The following COL2A1 variants were observed in gnomAD, a reference collection of about 807,000 sequenced individuals.
COL2A1 encodes collagen alpha-1(II) chain.
A neutral mutation model predicts 204.5 loss-of-function variants in COL2A1; 28 were observed. The observed-to-expected ratio is 0.14, with a 90% CI of 0.10 to 0.19. COL2A1 has a LOEUF of 0.19. COL2A1 is among the 10% of genes least tolerant of loss of function. The pLI, the probability that COL2A1 is intolerant of heterozygous loss-of-function variation, is 1.00. For synonymous variants in COL2A1, 708 were observed against 718.7 expected (o/e 0.99, Z 0.24); for missense variants, 1,388 against 2,027.5 (o/e 0.68, Z 6.06).
In COL2A1 at chr12:47,975,360, G is replaced by A. The variant is rs752970787; in HGVS notation, c.3843C>T (p.Arg1281=). 1.2e-5 allele frequency: 20 copies of A among 1,614,068 alleles called. No homozygotes were observed. In the African/African-American group the frequency reaches 2.5e-4, roughly 20 times the overall value. The stretch of plus-strand genomic sequence containing the variant: ...GGCAGAGTTTCAGGTCTCTGCAGGT[G>A]CGAGCAGGGTTCTTGCGGGAGCCCT... ...SPEGSRKNPA[R]TCRDLKLCHP... is the part of the protein sequence containing the mutation. The change falls in exon 51 of 54, where the codon CGC becomes CGT. Residue 1281 remains arginine, a synonymous_variant. Transcript: ENST00000380518.
At chr12:47,986,058 A>T (rs377227859) in intron 23 of COL2A1, 93 bp from the exon 24 acceptor site, 1 of 1,217,608 alleles carries the variant, frequency 8.2e-7, no homozygotes, top group African/African-American at 1.5e-5. Flanking sequence ...ACCAACCCCA[A>T]TTTCTGGGGA....
rs765898571 is a variant in COL2A1, at chr12:47,978,292, G to A, written c.3002C>T (p.Ser1001Leu). The A allele has an allele frequency of 9.3e-6, 15 of 1,613,732 alleles. No homozygotes were observed. The highest frequency in any genetic ancestry group is 4.0e-5 in the African/African-American group (3 of 74,924). The stretch of plus-strand genomic sequence containing the variant: ...GAGGGAGGGATACCCCACACTCACC[G>A]ACGGGCCAGGCAAGCCAGGGAATCC... Reference protein sequence around the residue: ...ERGFPGLPGPSGEPGKQGAPG... With the variant: ...ERGFPGLPGPLGEPGKQGAPG... Residue 1001 changes from serine to leucine, a missense_variant and splice_region_variant, in exon 43 of 54, where the codon TCG becomes TTG. Transcript: ENST00000380518. This position sits in a 1 kb window ranked among gnomAD's most constrained non-coding sequence, Gnocchi z 5.5.
In COL2A1 at chr12:47,978,161, C is replaced by T. The variant is rs376761309; in HGVS notation, c.3004-44G>A. 3 of 1,593,236 alleles carry T rather than the reference C, an allele frequency of 1.9e-6. No individual in the cohort carries two copies. Among genetic ancestry groups the T allele is most frequent in the Admixed American group, 1.7e-5 (1 of 58,072 alleles). On this transcript the variant is annotated intron_variant, in intron 43 of 53. Transcript: ENST00000380518. This position sits in a 1 kb window ranked among gnomAD's most constrained non-coding sequence, Gnocchi z 5.5. Reference sequence around the variant, plus strand: ...GGATGATGAGTGCAAGTGGTAAGCACCCCTGCCCAGGGCCCACTGACCCTT... The same window carrying T: ...GGATGATGAGTGCAAGTGGTAAGCATCCCTGCCCAGGGCCCACTGACCCTT...
chr12:47,979,715 C>A, intron 40 of COL2A1, 151 bp from the exon 41 acceptor site: 1 of 785,864 alleles, frequency 1.3e-6, no homozygotes, highest in Non-Finnish European at 2.2e-6. Context: ...GGAGAAAGGG[C>A]CCCCGGGTCT....
At chr12:47,994,257 C>G (rs993838855) in intron 12 of COL2A1, among the ~76,000 whole-genome samples, 167 bp downstream of exon 12, 2 of 152,194 alleles carry the variant, frequency 1.3e-5, no homozygotes, top group Non-Finnish European at 2.9e-5. Flanking sequence ...TGCCCAGCCT[C>G]CCTCATGAGA....
At position 47,997,666 on chromosome 12, in the gene COL2A1, G is replaced by A; in HGVS notation, c.471C>T (p.Thr157=). Residue 157 remains threonine (T), a synonymous_variant, in exon 7 of 54, where the codon ACC becomes ACT. Coordinates refer to ENST00000380518, the MANE Select transcript of COL2A1 (RefSeq NM_001844.5). ...GACCAGGGGGGCCAGGATTTCCAGG[G>A]GTCCCAGGTTCTCCATCTCTGCCAC... ...GPRGRDGEPG[T]PGNPGPPGPP... The A allele has an allele frequency of 6.2e-7, 1 of 1,613,944 alleles. No individual in the cohort carries two copies. The highest frequency in any genetic ancestry group is 1.1e-5 in the South Asian group (1 of 91,068).
intron 12 of COL2A1, 74 bp from the exon 13 acceptor site, chr12:47,994,121 G>A: frequency 1.3e-6 from 2 of 1,541,580 alleles, no homozygotes; most frequent in Non-Finnish European, 1.8e-6. Flanking sequence ...CTGCAGGAGG[G>A]CCTCCAGTTC....
intron 14 of COL2A1, 150 bp from the exon 15 acceptor site, chr12:47,993,652 C>T (rs1367432951): frequency 1.8e-6 from 2 of 1,104,032 alleles, no homozygotes; most frequent in Non-Finnish European, 2.8e-6. Context: ...GCTCTCCAGG[C>T]CTGCTGTTGG....
At chr12:48,004,598 G>T (rs1940391379), upstream of COL2A1, 1 of 333,420 alleles carries the variant, frequency 3.0e-6, no homozygotes, top group East Asian at 6.5e-5. Flanking sequence ...GCCCGCCCCC[G>T]GAGCCCGCCT....
At chr12:47,994,377 G>A (rs779196200) in intron 12 of COL2A1, 47 bp downstream of exon 12, 3 of 1,607,360 alleles carry the variant, frequency 1.9e-6, no homozygotes, top group South Asian at 1.1e-5. Flanking sequence ...GCCACAGGGA[G>A]GGAGACGCTA....
chr12:47,989,418 T>A, intron 17 of COL2A1, 137 bp from the exon 18 acceptor site: 2 of 838,848 alleles, frequency 2.4e-6, no homozygotes. Flanking sequence ...AGGCCTTGGA[T>A]GAAAATTGTC....
At position 47,974,158 on chromosome 12, in the gene COL2A1, G is replaced by A; in HGVS notation, c.4248C>T (p.Ser1416=). 1 of 1,614,202 alleles carries A rather than the reference G, an allele frequency of 6.2e-7. No homozygotes were observed. Among genetic ancestry groups the A allele is most frequent in the East Asian group, 2.2e-5 (1 of 44,882 alleles). Reference sequence around the variant, plus strand: ...CCTCTGCCCGGATCTCCACGTCATTGGAGCCCTGGATGAGCAGGGCCTTCT... The same window carrying A: ...CCTCTGCCCGGATCTCCACGTCATTAGAGCCCTGGATGAGCAGGGCCTTCT... The part of the protein sequence containing the change: ...NLKKALLIQG[S]NDVEIRAEGN... The change falls in exon 53 of 54, where the codon TCC becomes TCT. Residue 1416 remains serine (S), a synonymous_variant. Coordinates refer to ENST00000380518, the MANE Select transcript of COL2A1 (RefSeq NM_001844.5).
rs1477075559 is a variant in COL2A1 at position 47,987,078 on chromosome 12, C to T, written c.1365G>A (p.Thr455=). The T allele has an allele frequency of 5.6e-6, 9 of 1,613,750 alleles. No individual in the cohort carries two copies. Among genetic ancestry groups the T allele is most frequent in the African/African-American group, 1.3e-5 (1 of 74,900 alleles). Residue 455 remains threonine (T), a splice_region_variant and synonymous_variant, in exon 21 of 54, where the codon ACG becomes ACA. Transcript: ENST00000380518. This position sits in a 1 kb window ranked among gnomAD's most constrained non-coding sequence, Gnocchi z 4.1. ...CTTGGGGGTCACTTTGGGCTCTTACCGTCTGACCTTTCGGGCCCAGAGGAC... is the reference window on the plus strand; with the variant it reads ...CTTGGGGGTCACTTTGGGCTCTTACTGTCTGACCTTTCGGGCCCAGAGGAC... ...ATGPLGPKGQ[T]GEPGIAGFKG...
rs1389856644 is a variant in COL2A1, at chr12:47,992,944, C to A, written c.970-13G>T. 6.2e-7 allele frequency: 1 copy of A among 1,613,966 alleles called. No homozygotes were observed. Among genetic ancestry groups the A allele is most frequent in the East Asian group, 2.2e-5 (1 of 44,896 alleles). On this transcript the variant is annotated splice_polypyrimidine_tract_variant and intron_variant, in intron 15 of 53. Coordinates refer to ENST00000380518, the MANE Select transcript of COL2A1 (RefSeq NM_001844.5). ...GGCCACGAGGACCCTGGAACACACA[C>A]CAGGACAGCCTAAGCATGAGTTGGC... is the stretch of plus-strand genomic sequence containing the variant.
intron 29 of COL2A1, 171 bp from the exon 30 acceptor site, chr12:47,983,907 T>A: frequency 1.1e-6 from 1 of 910,302 alleles, no homozygotes; most frequent in Non-Finnish European, 1.8e-6. Context: ...CACACTCCTC[T>A]CCACCAATGT....
At position 47,980,526 on chromosome 12, in the gene COL2A1, A is replaced by G. The variant is rs375002307; in HGVS notation, c.2625+28T>C. Reference sequence around the variant, plus strand: ...ACGCCAGGAGCCCTTCCTTGAGGGAACAATTCTTGGAGTGCAGCGTTACCC... The same window carrying G: ...ACGCCAGGAGCCCTTCCTTGAGGGAGCAATTCTTGGAGTGCAGCGTTACCC... On this transcript the variant is annotated intron_variant, in intron 39 of 53. Transcript: ENST00000380518. The surrounding 1 kb of genome is among the most constrained non-coding windows in gnomAD (Gnocchi z 4.5). 8.5e-5 allele frequency: 133 copies of G among 1,561,868 alleles called. 1 individual carries two copies. In the African/African-American group the frequency reaches 1.5e-3, roughly 17 times the overall value.
chr12:48,000,204 T>C (rs1940169666), intron 1 of COL2A1, 79 bp from the exon 2 acceptor site: 1 of 1,012,028 alleles, frequency 9.9e-7, no homozygotes, highest in South Asian at 1.4e-5. Context: ...AAGAGAGAGG[T>C]TGCAGTCAAC....
At chr12:47,994,567 C>T in intron 11 of COL2A1, 90 bp from the exon 12 acceptor site, 1 of 1,396,994 alleles carries the variant, frequency 7.2e-7, no homozygotes, top group Non-Finnish European at 1.0e-6. Context: ...TTCCAGCCCT[C>T]CATGCCTTTG....
rs770056351 is a variant in COL2A1, at chr12:47,974,348, C to T, written c.4075-17G>A. 92 of 1,612,920 alleles carry T rather than the reference C, an allele frequency of 5.7e-5. No individual in the cohort carries two copies. The highest frequency in any genetic ancestry group is 1.5e-4 in the Admixed American group (9 of 59,984). On this transcript the variant is annotated splice_polypyrimidine_tract_variant and intron_variant, in intron 52 of 53. Transcript: ENST00000380518. ...ATAGCTGAACTGTTGGGGCAGAGAG[C>T]GGCAGTGTGAGGCCTGGGAGCTGGC... is the stretch of plus-strand genomic sequence containing the variant.
Sources: gnomAD v4.1 joint callset for allele counts (sites outside exome capture counted in the v4.1 genomes callset) on GRCh38, gnomAD v4.1.1 for gene constraint, Gnocchi (gnomAD v3.1) non-coding constraint, MANE v1.5 for transcripts, NCBI Gene and HGNC (gene_info 2026-07-23, HGNC 2026-07-21) for gene names.